The following PEX5L variants were observed in gnomAD, a reference collection of about 807,000 sequenced individuals.
PEX5L encodes the protein PEX5-related protein.
A neutral mutation model predicts 84.0 loss-of-function variants in PEX5L; 30 were observed. The observed-to-expected ratio is 0.36, with a 90% CI of 0.27 to 0.48. The LOEUF (loss-of-function observed/expected upper bound fraction) is 0.48. PEX5L is among the 20% of genes least tolerant of loss of function. The pLI is 0.99. For synonymous variants in PEX5L, 270 were observed against 283.1 expected (o/e 0.95, Z 0.46); for missense variants, 533 against 754.6 (o/e 0.71, Z 3.44).
intron 8 of PEX5L, among the ~76,000 whole-genome samples, chr3:179,825,276 G>C (rs183231552): frequency 1.3e-5 from 2 of 152,244 alleles, no homozygotes; most frequent in African/African-American, 4.8e-5. Flanking sequence ...GCAATTCCAG[G>C]GGGACAAATT....
rs73883429 is a variant in PEX5L at position 179,956,328 on chromosome 3, G to T, written c.93+15266C>A. ...TGCATTTTGGAGCCCTAGGAAAAATGGTAAAATCTAGAATGCTTATAAAAT... is the reference window on the plus strand; with the variant it reads ...TGCATTTTGGAGCCCTAGGAAAAATTGTAAAATCTAGAATGCTTATAAAAT... On this transcript the variant is annotated intron_variant, in intron 2 of 14. Coordinates refer to ENST00000467460, the MANE Select transcript of PEX5L (RefSeq NM_016559.3). Among the ~76,000 whole-genome samples the T allele has an allele frequency of 5.6e-3, 857 of 152,124 alleles. 7 individuals are homozygous for T. Among genetic ancestry groups the T allele is most frequent in the African/African-American group, 0.02 (820 of 41,496 alleles).
At chr3:180,006,555 T>G (rs939665213) in intron 1 of PEX5L, among the ~76,000 whole-genome samples, 1 of 152,178 alleles carries the variant, frequency 6.6e-6, no homozygotes, top group African/African-American at 2.4e-5. Context: ...TCCCATCTTT[T>G]GGTACCATTT....
At chr3:179,903,549 T>C (rs1483979828) in intron 2 of PEX5L, among the ~76,000 whole-genome samples, 6 of 152,110 alleles carry the variant, frequency 3.9e-5, no homozygotes, top group Non-Finnish European at 8.8e-5. Flanking sequence ...GTTTTGCATA[T>C]ACTAAAAAAT....
chr3:179,974,104 C>T (rs1342233097), intron 1 of PEX5L: 2 of 985,520 alleles, frequency 2.0e-6, no homozygotes, highest in Non-Finnish European at 2.4e-6. Flanking sequence ...GGATCTTCAG[C>T]TCTCCTCCCT....
chr3:179,968,009 T>C (rs1783788015), intron 2 of PEX5L, among the ~76,000 whole-genome samples: 1 of 152,130 alleles, frequency 6.6e-6, no homozygotes, highest in African/African-American at 2.4e-5. Flanking sequence ...AATTTGACAT[T>C]TCCCAACCTG....
At chr3:180,012,042 C>A (rs916174886) in intron 1 of PEX5L, among the ~76,000 whole-genome samples, 3 of 152,134 alleles carry the variant, frequency 2.0e-5, no homozygotes, top group Non-Finnish European at 4.4e-5. Context: ...TTCCTCTTAT[C>A]ATCTCACAGC....
intron 7 of PEX5L, among the ~76,000 whole-genome samples, chr3:179,871,742 A>C (rs1453789566): frequency 6.6e-6 from 1 of 152,190 alleles, no homozygotes; most frequent in Non-Finnish European, 1.5e-5. Flanking sequence ...TTTTCTAGAC[A>C]TCACTTTCCT....
rs999263781 is a variant in PEX5L, at chr3:179,828,807, A to G, written c.823-8831T>C. On this transcript the variant is annotated intron_variant, in intron 8 of 14. Transcript: ENST00000467460. ...GTGTATCCTGCGACCAGCTTTCAGG[A>G]ATAAGAGTCTATGACATAGTTTGTT... 3.9e-5 allele frequency among the ~76,000 whole-genome samples: 6 copies of G among 152,168 alleles called. No individual in the cohort carries two copies. The South Asian group carries it at 1.2e-3, about 32-fold the overall frequency.
intron 10 of PEX5L, among the ~76,000 whole-genome samples, chr3:179,812,113 T>C (rs1724130862): frequency 1.3e-5 from 2 of 152,182 alleles, no homozygotes. Context: ...TATAACCCAG[T>C]GCGATGGAAA....
chr3:179,831,720 C>A (rs1237202087), intron 8 of PEX5L, among the ~76,000 whole-genome samples: 1 of 152,134 alleles, frequency 6.6e-6, no homozygotes, highest in Non-Finnish European at 1.5e-5. Context: ...TAACACCCAA[C>A]TGAGACTGTA....
chr3:179,947,560 T>C (rs1777902538), intron 2 of PEX5L, among the ~76,000 whole-genome samples: 1 of 152,090 alleles, frequency 6.6e-6, no homozygotes, highest in Non-Finnish European at 1.5e-5. Context: ...AACACAGGCT[T>C]ATTCTACTAT....
In PEX5L at chr3:179,876,584, C is replaced by A. The variant is rs140187126; in HGVS notation, c.506-1107G>T. On this transcript the variant is annotated intron_variant, in intron 5 of 14. Transcript: ENST00000467460. ...AAAAACTGTGGTAAAAAATACATAA[C>A]AAATTGACCACTTAAACCATATTTT... 5.9e-5 allele frequency among the ~76,000 whole-genome samples: 9 copies of A among 151,684 alleles called. No individual in the cohort carries two copies. In the East Asian group the frequency reaches 1.2e-3, roughly 20 times the overall value.
intron 2 of PEX5L, among the ~76,000 whole-genome samples, chr3:179,964,617 C>T (rs1782867997): frequency 6.6e-6 from 1 of 152,150 alleles, no homozygotes; most frequent in South Asian, 2.1e-4. Flanking sequence ...AACCAAACTA[C>T]TCCATTAAAA....
intron 2 of PEX5L, among the ~76,000 whole-genome samples, chr3:179,917,454 C>T (rs1767607194): frequency 6.6e-6 from 1 of 152,036 alleles, no homozygotes; most frequent in Admixed American, 6.6e-5. Context: ...GTATTATGTG[C>T]TGTACATTAT....
chr3:180,013,672 T>A (rs1789682979), intron 1 of PEX5L, among the ~76,000 whole-genome samples: 1 of 152,160 alleles, frequency 6.6e-6, no homozygotes, highest in Non-Finnish European at 1.5e-5. Flanking sequence ...CTGGTATATG[T>A]AAGCATTCGA....
intron 1 of PEX5L, among the ~76,000 whole-genome samples, chr3:180,014,868 T>A (rs1789810203): frequency 6.6e-6 from 1 of 152,176 alleles, no homozygotes; most frequent in Non-Finnish European, 1.5e-5. Flanking sequence ...TTGCAGCTAT[T>A]TCACCAAAGG....
intron 2 of PEX5L, among the ~76,000 whole-genome samples, chr3:179,966,602 T>C (rs1783404857): frequency 1.3e-5 from 2 of 152,190 alleles, no homozygotes; most frequent in South Asian, 4.1e-4. Flanking sequence ...TCCGTTAATC[T>C]GTTTTTCTTG....
chr3:179,906,891 A>C (rs1459676114), intron 2 of PEX5L, among the ~76,000 whole-genome samples: 1 of 147,718 alleles, frequency 6.8e-6, no homozygotes, highest in East Asian at 2.0e-4. Context: ...CATGAGAATC[A>C]TTCATCATCA....
At chr3:179,903,670 G>C (rs1479856296) in intron 2 of PEX5L, among the ~76,000 whole-genome samples, 1 of 152,138 alleles carries the variant, frequency 6.6e-6, no homozygotes, top group Non-Finnish European at 1.5e-5. Flanking sequence ...TTCACTTGGC[G>C]AGCTAAATGT....
Sources: gnomAD v4.1 joint callset for allele counts (sites outside exome capture counted in the v4.1 genomes callset) on GRCh38, gnomAD v4.1.1 for gene constraint, MANE v1.5 for transcripts, NCBI Gene and HGNC (gene_info 2026-07-23, HGNC 2026-07-21) for gene names.